CENPP: variants seen among roughly 807,000 people sequenced by gnomAD.
CENPP encodes centromere protein P.
CENPP carries 24 observed loss-of-function variants against 35.6 expected under a neutral mutation model. The observed-to-expected ratio is 0.67, with a 90% CI of 0.49 to 0.95. CENPP has a LOEUF of 0.95. CENPP is among the 40% of genes least tolerant of loss of function. CENPP has a pLI of 0.00. For missense variants in CENPP, 332 were observed against 345.3 expected, an observed-to-expected ratio of 0.96 and a Z score of 0.31; for synonymous variants, 120 against 125.5, an observed-to-expected ratio of 0.96 and a Z score of 0.29.
intron 5 of CENPP, among the ~76,000 whole-genome samples, chr9:92,548,533 G>A (rs1463642699): frequency 1.3e-5 from 2 of 151,898 alleles, no homozygotes; most frequent in Non-Finnish European, 2.9e-5. Flanking sequence ...CTATCAGATT[G>A]GAAATATATT....
At position 92,600,356 on chromosome 9, in the gene CENPP, T is replaced by C. The variant is rs185825021; in HGVS notation, c.565-10958T>C. 3.9e-3 allele frequency: 6,104 copies of C among 1,550,656 alleles called. 16 individuals carry two copies. The highest frequency in any genetic ancestry group is 4.9e-3 in the Non-Finnish European group (5,646 of 1,148,738). On this transcript the variant is annotated intron_variant, in intron 5 of 7. Transcript: ENST00000375587. ...ATTAAAATTCCCCAGCTCTTCGTTTTAAAAATGCCATTGGGATATATTTCC... is the reference window on the plus strand; with the variant it reads ...ATTAAAATTCCCCAGCTCTTCGTTTCAAAAATGCCATTGGGATATATTTCC...
intron 4 of CENPP, among the ~76,000 whole-genome samples, chr9:92,357,777 G>C (rs1282182588): frequency 6.6e-6 from 1 of 152,092 alleles, no homozygotes; most frequent in East Asian, 1.9e-4. Flanking sequence ...TTACAGGTGT[G>C]AGCCACCGCA....
chr9:92,332,848 A>C (rs1287735578), intron 2 of CENPP, among the ~76,000 whole-genome samples: 1 of 151,206 alleles, frequency 6.6e-6, no homozygotes, highest in Non-Finnish European at 1.5e-5. Context: ...AATATTAAAG[A>C]ACAGACACAG....
intron 5 of CENPP, among the ~76,000 whole-genome samples, chr9:92,397,126 A>G (rs1475484392): frequency 6.6e-6 from 1 of 152,026 alleles, no homozygotes; most frequent in African/African-American, 2.4e-5. Context: ...GCAGTGAGCC[A>G]TGATCATGCC....
At chr9:92,429,069 A>G (rs1372533610) in intron 5 of CENPP, among the ~76,000 whole-genome samples, 4 of 152,110 alleles carry the variant, frequency 2.6e-5, no homozygotes, top group Non-Finnish European at 4.4e-5. Flanking sequence ...CTCCTTTCTG[A>G]TAAGACTCTT....
intron 5 of CENPP, chr9:92,390,011 A>G (rs772354861): frequency 6.2e-6 from 10 of 1,608,034 alleles, no homozygotes; most frequent in South Asian, 1.1e-5. Context: ...ACCATCTTCT[A>G]TATCTTCTAT....
At chr9:92,410,301 A>T (rs765639567) in intron 5 of CENPP, among the ~76,000 whole-genome samples, 1 of 152,208 alleles carries the variant, frequency 6.6e-6, no homozygotes, top group Non-Finnish European at 1.5e-5. Context: ...CAAGTACCAA[A>T]AAATGATTGT....
chr9:92,615,304 G>A lies in CENPP; in HGVS notation c.*2155G>A, dbSNP rs1851398762. 1.2e-5 allele frequency: 2 copies of A among 162,570 alleles called. No individual in the cohort carries two copies. The highest frequency in any genetic ancestry group is 6.0e-5 in the Admixed American group (1 of 16,714). 10.1% of individuals were successfully genotyped at this position (162,570 alleles called of 1,614,324 possible). On this transcript the variant is annotated 3_prime_UTR_variant, in exon 8 of 8. Coordinates refer to ENST00000375587, the MANE Select transcript of CENPP (RefSeq NM_001012267.3). ...AGAATCGGCATCTGCGCGACCACGA[G>A]GTCACGCTGTGCAGCAGGGAACCAC...
chr9:92,389,755 T>A, intron 5 of CENPP: 1 of 735,984 alleles, frequency 1.4e-6, no homozygotes. Context: ...ATCAAAATAG[T>A]TTTTAAGTGT....
intron 5 of CENPP, among the ~76,000 whole-genome samples, chr9:92,554,516 G>A (rs935479700): frequency 6.6e-6 from 1 of 151,938 alleles, no homozygotes; most frequent in Non-Finnish European, 1.5e-5. Context: ...GGTGTATCAC[G>A]TTTATTGACC....
intron 4 of CENPP, among the ~76,000 whole-genome samples, chr9:92,355,954 A>C (rs1841578255): frequency 1.3e-5 from 2 of 152,376 alleles, no homozygotes; most frequent in South Asian, 4.1e-4. Context: ...GTGAATATGC[A>C]TATGCAAAAA....
intron 5 of CENPP, among the ~76,000 whole-genome samples, chr9:92,453,427 T>C (rs2131026415): frequency 6.6e-6 from 1 of 152,350 alleles, no homozygotes; most frequent in Middle Eastern, 3.4e-3. Flanking sequence ...AGTTTCTTAA[T>C]ACTGAGTTCT....
At chr9:92,580,582 ATTTGCATAGAGGTG>A (rs1850395789) in intron 5 of CENPP, among the ~76,000 whole-genome samples, 1 of 152,108 alleles carries the variant, frequency 6.6e-6, no homozygotes, top group Non-Finnish European at 1.5e-5. Context: ...TTTCTAGTTT[ATTTGCATAGAGGTG>A]TTTGCAGTAT....
chr9:92,445,970 A>G (rs974544044), intron 5 of CENPP, among the ~76,000 whole-genome samples: 2 of 152,062 alleles, frequency 1.3e-5, no homozygotes, highest in African/African-American at 4.8e-5. Context: ...TTTGAAACTG[A>G]GTGAGAAGTA....
intron 5 of CENPP, among the ~76,000 whole-genome samples, chr9:92,474,388 G>C (rs933160792): frequency 1.3e-5 from 2 of 152,004 alleles, no homozygotes; most frequent in Non-Finnish European, 2.9e-5. Flanking sequence ...ATTTAACTGG[G>C]GAAGAGAAGG....
intron 4 of CENPP, among the ~76,000 whole-genome samples, chr9:92,378,818 G>A (rs924904468): frequency 6.6e-6 from 1 of 152,172 alleles, no homozygotes; most frequent in Non-Finnish European, 1.5e-5. Flanking sequence ...CTAGCTGTTA[G>A]GGAATAGGAT....
intron 5 of CENPP, among the ~76,000 whole-genome samples, chr9:92,407,281 C>T (rs746556526): frequency 9.2e-5 from 14 of 152,168 alleles, no homozygotes; most frequent in African/African-American, 2.9e-4. Context: ...TCCTACATCA[C>T]GTGGTTGGTC....
At chr9:92,378,929 G>A (rs1842184258) in intron 4 of CENPP, among the ~76,000 whole-genome samples, 1 of 152,106 alleles carries the variant, frequency 6.6e-6, no homozygotes, top group African/African-American at 2.4e-5. Flanking sequence ...GACCCCACAA[G>A]TTATAGGCAG....
chr9:92,575,037 G>C (rs72754469), intron 5 of CENPP, among the ~76,000 whole-genome samples: 6,062 of 152,224 alleles, frequency 0.04, 185 homozygotes, highest in South Asian at 0.099. Context: ...TGGAACCTTA[G>C]CTAACACCAT....
Sources: allele counts gnomAD v4.1 joint callset (sites outside exome capture counted in the v4.1 genomes callset), GRCh38; gene constraint gnomAD v4.1.1; transcripts MANE v1.5; gene names NCBI Gene and HGNC (gene_info 2026-07-23, HGNC 2026-07-21).